STXBP5: variants seen among roughly 807,000 people sequenced by gnomAD.
STXBP5 encodes the protein syntaxin binding protein 5, also known as syntaxin-binding protein 5.
A neutral mutation model predicts 152.4 loss-of-function variants in STXBP5; 50 were observed. The observed-to-expected ratio is 0.33, with a 90% CI of 0.26 to 0.42. The LOEUF (loss-of-function observed/expected upper bound fraction) is 0.42. Among genes scored for constraint, STXBP5 ranks in the 10% least tolerant of loss-of-function variants. STXBP5 has a pLI of 1.00. For synonymous variants in STXBP5, 492 were observed against 494.7 expected (o/e 0.99, Z 0.07); for missense variants, 1,167 against 1,388.6 (o/e 0.84, Z 2.54).
chr6:147,225,375 G>T (rs79453884), intron 2 of STXBP5, among the ~76,000 whole-genome samples: 1 of 151,940 alleles, frequency 6.6e-6, no homozygotes, highest in African/African-American at 2.4e-5. Flanking sequence ...AAACCTCACC[G>T]GATATCACAG....
intron 26 of STXBP5, among the ~76,000 whole-genome samples, chr6:147,375,004 G>A (rs1785740496): frequency 6.6e-6 from 1 of 152,170 alleles, no homozygotes; most frequent in Non-Finnish European, 1.5e-5. Flanking sequence ...CAGACTGCTA[G>A]AGTCCCTAGC....
intron 9 of STXBP5, among the ~76,000 whole-genome samples, chr6:147,295,284 T>A (rs1781459726): frequency 6.6e-6 from 1 of 152,120 alleles, no homozygotes; most frequent in African/African-American, 2.4e-5. Context: ...CTCTAGAGTT[T>A]TGAGCTACAG....
intron 4 of STXBP5, among the ~76,000 whole-genome samples, chr6:147,256,647 T>G (rs140569016): frequency 1.3e-5 from 2 of 152,332 alleles, no homozygotes; most frequent in East Asian, 3.9e-4. Context: ...TGTGGCAGTT[T>G]AGAATGGATT....
intron 19 of STXBP5, among the ~76,000 whole-genome samples, chr6:147,334,628 A>G (rs1411523570): frequency 2.0e-5 from 3 of 152,108 alleles, no homozygotes; most frequent in Non-Finnish European, 4.4e-5. Context: ...AGTTGTATGT[A>G]TTTTTATTTA....
intron 9 of STXBP5, among the ~76,000 whole-genome samples, chr6:147,303,148 G>A (rs754802747): frequency 2.0e-5 from 3 of 151,936 alleles, no homozygotes; most frequent in Admixed American, 6.6e-5. Flanking sequence ...TTTTTGTTTT[G>A]TCAATTTAGT....
chr6:147,328,604 C>T, intron 18 of STXBP5: 3 of 350,038 alleles, frequency 8.6e-6, no homozygotes, highest in South Asian at 2.2e-5. Context: ...ATCATTTTGT[C>T]ATGTAATATC....
intron 6 of STXBP5, among the ~76,000 whole-genome samples, chr6:147,264,615 C>T (rs1582863107): frequency 6.6e-6 from 1 of 152,204 alleles, no homozygotes; most frequent in Non-Finnish European, 1.5e-5. Flanking sequence ...TCATATTCCA[C>T]ATACACACTA....
intron 4 of STXBP5, among the ~76,000 whole-genome samples, chr6:147,241,304 G>A (rs1377081748): frequency 6.6e-6 from 1 of 152,048 alleles, no homozygotes; most frequent in African/African-American, 2.4e-5. Flanking sequence ...GTTAACTAAT[G>A]TTCATAACAT....
intron 11 of STXBP5, among the ~76,000 whole-genome samples, chr6:147,312,181 A>G (rs1782414703): frequency 6.6e-6 from 1 of 152,134 alleles, no homozygotes; most frequent in Non-Finnish European, 1.5e-5. Context: ...ATAACTTTCA[A>G]AGTCAACCTT....
intron 7 of STXBP5, among the ~76,000 whole-genome samples, chr6:147,276,134 G>T (rs1452799191): frequency 4.6e-5 from 7 of 152,080 alleles, no homozygotes; most frequent in Non-Finnish European, 8.8e-5. Flanking sequence ...AGTATAAATT[G>T]TATGTTTTAT....
At chr6:147,255,875 ATAAT>A (rs984792290) in intron 4 of STXBP5, among the ~76,000 whole-genome samples, 7 of 152,326 alleles carry the variant, frequency 4.6e-5, no homozygotes, top group South Asian at 2.1e-4. Context: ...TCAACTTTAA[ATAAT>A]TAATCTAGTA....
In STXBP5 at chr6:147,255,595, A is replaced by G. The variant is rs144406474; in HGVS notation, c.432-5020A>G. On this transcript the variant is annotated intron_variant, in intron 4 of 27. Coordinates refer to ENST00000321680, the MANE Select transcript of STXBP5 (RefSeq NM_001127715.4). Reference sequence around the variant, plus strand: ...CTGCTCAAGCAATTTCCCAGGCTCAAGCAGTCCTCCTGCCTCAGCTCAAGC... The same window carrying G: ...CTGCTCAAGCAATTTCCCAGGCTCAGGCAGTCCTCCTGCCTCAGCTCAAGC... 2.8e-3 allele frequency among the ~76,000 whole-genome samples: 419 copies of G among 152,254 alleles called. 1 individual carries two copies. Among genetic ancestry groups the G allele is most frequent in the African/African-American group, 9.5e-3 (393 of 41,556 alleles).
At position 147,363,629 on chromosome 6, in the gene STXBP5, G is replaced by GTGGAGATAT; in HGVS notation, c.2843_2851dup (p.Gly948_Ile950dup). On this transcript the variant is annotated inframe_insertion, in exon 24 of 28. Transcript: ENST00000321680. The stretch of plus-strand genomic sequence containing the variant: ...ATTACAGAGACCTCGTTTGTGCTTC[G>GTGGAGATAT]TGGAGATATTGTAGCATTGAGTAAC... 1 of 1,614,116 alleles carries GTGGAGATAT rather than the reference G, an allele frequency of 6.2e-7. No individual in the cohort carries two copies. The highest frequency in any genetic ancestry group is 8.5e-7 in the Non-Finnish European group (1 of 1,180,018).
chr6:147,250,934 C>T (rs1779053074), intron 4 of STXBP5, among the ~76,000 whole-genome samples: 1 of 142,622 alleles, frequency 7.0e-6, no homozygotes, highest in Non-Finnish European at 1.5e-5. Context: ...CATCACTGCA[C>T]TCCAGCATGG....
intron 4 of STXBP5, among the ~76,000 whole-genome samples, chr6:147,244,438 T>C (rs1196581199): frequency 6.6e-6 from 1 of 152,242 alleles, no homozygotes; most frequent in Non-Finnish European, 1.5e-5. Context: ...ATCCACACAA[T>C]AGCTTGCTAG....
chr6:147,216,880 T>C (rs1777196236), intron 2 of STXBP5, among the ~76,000 whole-genome samples: 1 of 152,234 alleles, frequency 6.6e-6, no homozygotes, highest in South Asian at 2.1e-4. Context: ...ATTTGTAAGA[T>C]ATATGACGAG....
intron 4 of STXBP5, among the ~76,000 whole-genome samples, chr6:147,243,871 G>T (rs1017892501): frequency 6.6e-6 from 1 of 151,390 alleles, no homozygotes; most frequent in Non-Finnish European, 1.5e-5. Flanking sequence ...GTTTCCCATT[G>T]AATTGTATTT....
rs1433211016 is a variant in STXBP5 at position 147,388,950 on chromosome 6, T to G, written c.*4195T>G. 2 of 151,652 alleles carry G rather than the reference T, an allele frequency of 1.3e-5. No homozygotes were observed. Among genetic ancestry groups the G allele is most frequent in the African/African-American group, 4.8e-5 (2 of 41,422 alleles). The allele number at this position is 151,652 out of a possible 1,614,324, so 9.4% of individuals were successfully genotyped here. A position where few individuals can be genotyped will look rare whatever the true frequency, so the allele number is the denominator to read the frequency against. ...TTTGTAGTTTATAGAATTTGTTCCT[T>G]ATCAGTTTGATACTTGATCAACATT... On this transcript the variant is annotated 3_prime_UTR_variant, in exon 28 of 28. Coordinates refer to ENST00000321680, the MANE Select transcript of STXBP5 (RefSeq NM_001127715.4).
intron 3 of STXBP5, among the ~76,000 whole-genome samples, chr6:147,238,511 AC>A (rs1778386376): frequency 6.6e-6 from 1 of 152,284 alleles, no homozygotes; most frequent in South Asian, 2.1e-4. Context: ...CCACGTCTAA[AC>A]CATAGCACTC....
Sources: allele counts gnomAD v4.1 joint callset (sites outside exome capture counted in the v4.1 genomes callset), GRCh38; gene constraint gnomAD v4.1.1; transcripts MANE v1.5; gene names NCBI Gene and HGNC (gene_info 2026-07-23, HGNC 2026-07-21).